Variants in LINGO2 observed in about 807,000 individuals in gnomAD.
LINGO2 encodes the protein leucine rich repeat and Ig domain containing 2.
LINGO2 carries 14 observed loss-of-function variants against 30.6 expected under a neutral mutation model. The ratio of observed to expected loss-of-function variants is 0.46; its 90% CI spans 0.30 to 0.72. LINGO2 has a LOEUF of 0.72. LINGO2 is among the 30% of genes least tolerant of loss of function. LINGO2 has a pLI of 0.07. For synonymous variants in LINGO2, 317 were observed against 288.5 expected, an observed-to-expected ratio of 1.10 and a Z score of -1.00; for missense variants, 729 against 751.7, an observed-to-expected ratio of 0.97 and a Z score of 0.35.
chr9:28,529,175 T>A (rs565400369), intron 1 of LINGO2, among the ~76,000 whole-genome samples: 4 of 152,218 alleles, frequency 2.6e-5, no homozygotes, highest in East Asian at 1.9e-4. Flanking sequence ...TTCCAGTACC[T>A]CAGGCAGAGT....
At chr9:27,978,420 G>C (rs2118869130) in intron 5 of LINGO2, among the ~76,000 whole-genome samples, 1 of 152,164 alleles carries the variant, frequency 6.6e-6, no homozygotes, top group East Asian at 1.9e-4. Context: ...TTTGGAGATA[G>C]AACCTTCGAG....
chr9:28,292,516 G>A (rs546659104), intron 4 of LINGO2, among the ~76,000 whole-genome samples: 87 of 152,258 alleles, frequency 5.7e-4, no homozygotes, highest in African/African-American at 2.0e-3. Context: ...AGGCTGGAGT[G>A]CAATGGCTCG....
chr9:28,530,365 C>T (rs1320076507), intron 1 of LINGO2, among the ~76,000 whole-genome samples: 1 of 152,178 alleles, frequency 6.6e-6, no homozygotes, highest in Middle Eastern at 3.4e-3. Flanking sequence ...AGATTTTACA[C>T]CATGTACAAT....
chr9:29,148,300 C>G, the LINGO2 span, among the ~76,000 whole-genome samples: 1 of 152,070 alleles, frequency 6.6e-6, no homozygotes, highest in Admixed American at 6.5e-5. Context: ...TAAGAGAAAA[C>G]AGTTAATATG....
intron 4 of LINGO2, among the ~76,000 whole-genome samples, chr9:28,102,376 G>A (rs1826443874): frequency 6.6e-6 from 1 of 152,030 alleles, no homozygotes; most frequent in Admixed American, 6.6e-5. Context: ...CAGAGAGGGG[G>A]ATCCCTAGCT....
At chr9:29,048,618 C>A in the LINGO2 span, among the ~76,000 whole-genome samples, 2 of 152,184 alleles carry the variant, frequency 1.3e-5, no homozygotes, top group East Asian at 3.9e-4. Context: ...GACATAAAAA[C>A]AGAGACATAG....
At chr9:28,828,860 T>C in the LINGO2 span, among the ~76,000 whole-genome samples, 38 of 152,266 alleles carry the variant, frequency 2.5e-4, no homozygotes, top group African/African-American at 8.4e-4. Context: ...TCAGCAGTTG[T>C]AATTTACTTG....
the LINGO2 span, among the ~76,000 whole-genome samples, chr9:28,962,692 T>C: frequency 6.6e-6 from 1 of 151,834 alleles, no homozygotes; most frequent in Non-Finnish European, 1.5e-5. Context: ...CTAAATAATT[T>C]ACTACATTTC....
At chr9:28,556,833 A>T (rs1269823521) in intron 1 of LINGO2, among the ~76,000 whole-genome samples, 5 of 152,102 alleles carry the variant, frequency 3.3e-5, no homozygotes, top group African/African-American at 1.2e-4. Flanking sequence ...AGCCCTCAGA[A>T]ATAACACTGC....
chr9:28,755,788 G>A, the LINGO2 span, among the ~76,000 whole-genome samples: 27 of 152,138 alleles, frequency 1.8e-4, no homozygotes, highest in African/African-American at 6.0e-4. Context: ...TGTTTGCTCC[G>A]TGTCTGCAGT....
the LINGO2 span, among the ~76,000 whole-genome samples, chr9:28,877,096 TTG>T: frequency 7.0e-6 from 1 of 142,134 alleles, no homozygotes; most frequent in East Asian, 1.9e-4. Flanking sequence ...TTTGATGGGG[TTG>T]TGTTTTTTTT....
At chr9:28,710,072 C>G in the LINGO2 span, among the ~76,000 whole-genome samples, 1 of 150,994 alleles carries the variant, frequency 6.6e-6, no homozygotes, top group Non-Finnish European at 1.5e-5. Context: ...GTGTCTCCCC[C>G]AGATTTGTAT....
the LINGO2 span, among the ~76,000 whole-genome samples, chr9:28,711,567 C>T: frequency 6.6e-6 from 1 of 152,084 alleles, no homozygotes; most frequent in Non-Finnish European, 1.5e-5. Flanking sequence ...TTTAACTATG[C>T]ATCCTAGAGA....
At chr9:28,490,469 G>A (rs1269055581) in intron 1 of LINGO2, among the ~76,000 whole-genome samples, 1 of 152,148 alleles carries the variant, frequency 6.6e-6, no homozygotes, top group Non-Finnish European at 1.5e-5. Flanking sequence ...CATAGAGTGG[G>A]AGTTTTGTGA....
chr9:28,003,032 G>GA lies in LINGO2; in HGVS notation c.-36+9322dup, dbSNP rs1563901229. Among the ~76,000 whole-genome samples, 5 of 151,974 alleles carry GA rather than the reference G, an allele frequency of 3.3e-5. No individual in the cohort carries two copies. In the South Asian group the frequency reaches 1.0e-3, roughly 32 times the overall value. On this transcript the variant is annotated intron_variant, in intron 5 of 5. Transcript: ENST00000379992. ...GACCCCCAAATGGAAAAAGTGGATT[G>GA]AAAAATGAATAAGTTAATGAATATG...
chr9:27,989,937 A>AG (rs1821311707), intron 5 of LINGO2, among the ~76,000 whole-genome samples: 1 of 152,060 alleles, frequency 6.6e-6, no homozygotes, highest in Non-Finnish European at 1.5e-5. Flanking sequence ...GCTCAAAAGA[A>AG]GGAAAAAGAG....
intron 4 of LINGO2, among the ~76,000 whole-genome samples, chr9:28,192,108 C>A (rs1203135661): frequency 1.3e-5 from 2 of 152,024 alleles, no homozygotes; most frequent in African/African-American, 4.8e-5. Flanking sequence ...ACTCTTACAG[C>A]CTCTTCATGA....
chr9:28,674,071 G>C (rs957988356), upstream of LINGO2, among the ~76,000 whole-genome samples: 1 of 151,884 alleles, frequency 6.6e-6, no homozygotes, highest in Non-Finnish European at 1.5e-5. Context: ...TGATATAATG[G>C]TGAAGAGAGA....
the LINGO2 span, among the ~76,000 whole-genome samples, chr9:29,077,827 A>C: frequency 6.6e-6 from 1 of 152,116 alleles, no homozygotes; most frequent in South Asian, 2.1e-4. Context: ...ATTTAAAAAA[A>C]AATAGTTCTA....
Sources: allele counts gnomAD v4.1 joint callset (sites outside exome capture counted in the v4.1 genomes callset), GRCh38; gene constraint gnomAD v4.1.1; transcripts MANE v1.5; gene names NCBI Gene and HGNC (gene_info 2026-07-23, HGNC 2026-07-21).